The following VPS41 variants were observed in gnomAD, a reference collection of about 807,000 sequenced individuals.
VPS41 encodes the protein VPS41 subunit of HOPS complex.
In VPS41, 85 loss-of-function variants were observed where a neutral mutation model predicts 130.9. The ratio of observed to expected loss-of-function variants is 0.65; its 90% CI spans 0.55 to 0.78. The LOEUF (loss-of-function observed/expected upper bound fraction) is 0.78, where lower values mean the gene tolerates loss of function less well. Ranked by LOEUF, VPS41 falls within the 30% of genes least tolerant of loss-of-function variation. The probability of loss-of-function intolerance (pLI) is 0.00; values close to 1 mark genes in which losing one functional copy is unlikely to be tolerated. For synonymous variants in VPS41, 335 were observed against 332.9 expected (o/e 1.01, Z -0.07); for missense variants, 874 against 1,018.7 (o/e 0.86, Z 1.93).
At chr7:38,883,941 GA>G (rs1250068910) in intron 2 of VPS41, among the ~76,000 whole-genome samples, 7 of 152,174 alleles carry the variant, frequency 4.6e-5, no homozygotes, top group African/African-American at 1.4e-4. Flanking sequence ...CTCATTAAAT[GA>G]AAGAGCAAGT....
chr7:38,767,620 A>C (rs1387890975), intron 14 of VPS41, 22 bp from the exon 15 acceptor site: 1 of 1,591,570 alleles, frequency 6.3e-7, no homozygotes, highest in Non-Finnish European at 8.6e-7. Flanking sequence ...CAAATGAAGA[A>C]ATGTCAAAAT....
At chr7:38,785,619 A>C (rs1255794976) in intron 10 of VPS41, among the ~76,000 whole-genome samples, 2 of 152,224 alleles carry the variant, frequency 1.3e-5, no homozygotes, top group African/African-American at 2.4e-5. Context: ...AAAGAAAAGG[A>C]AAGGCATTGC....
At chr7:38,893,240 A>C (rs1380314982) in intron 2 of VPS41, among the ~76,000 whole-genome samples, 1 of 152,190 alleles carries the variant, frequency 6.6e-6, no homozygotes, top group Non-Finnish European at 1.5e-5. Flanking sequence ...TGGGTGGCTA[A>C]ACATACATAC....
At chr7:38,792,476 A>G (rs1290428251) in intron 9 of VPS41, among the ~76,000 whole-genome samples, 1 of 152,096 alleles carries the variant, frequency 6.6e-6, no homozygotes, top group East Asian at 1.9e-4. Flanking sequence ...GGTGACTGTG[A>G]TCTTACACCC....
intron 5 of VPS41, among the ~76,000 whole-genome samples, chr7:38,827,134 A>T: frequency 6.6e-6 from 1 of 152,322 alleles, no homozygotes; most frequent in Non-Finnish European, 1.5e-5. Flanking sequence ...TCTAATTTTA[A>T]AAAAATTAAA....
chr7:38,761,872 C>T (rs2286082), intron 17 of VPS41, among the ~76,000 whole-genome samples: 99,730 of 151,970 alleles, frequency 0.66, 33,647 homozygotes, highest in Admixed American at 0.79. Context: ...CAGATGTGAG[C>T]CACCGTGACA....
chr7:38,726,894 A>G lies in VPS41; in HGVS notation c.2484+15T>C. The G allele has an allele frequency of 6.5e-7, 1 of 1,530,820 alleles. No individual in the cohort carries two copies. Among genetic ancestry groups the G allele is most frequent in the Non-Finnish European group, 8.8e-7 (1 of 1,140,366 alleles). 94.8% of individuals were successfully genotyped at this position (1,530,820 alleles called of 1,614,324 possible). The stretch of plus-strand genomic sequence containing the variant: ...AATTTCCCTCTAGTTGATAGGTGCC[A>G]AGCTGCCAACTCACCATGCTGGGCA... On this transcript the variant is annotated intron_variant, in intron 28 of 28. Coordinates refer to ENST00000310301, the MANE Select transcript of VPS41 (RefSeq NM_014396.4).
intron 10 of VPS41, among the ~76,000 whole-genome samples, chr7:38,780,409 T>C (rs1784336100): frequency 7.3e-6 from 1 of 137,382 alleles, no homozygotes; most frequent in South Asian, 2.6e-4. Context: ...TGGAAGGACT[T>C]CTGCATTCTG....
rs1795517289 is a variant in VPS41, at chr7:38,725,396, G to A, written c.*850C>T. 6.6e-6 allele frequency: 1 copy of A among 152,220 alleles called. No individual in the cohort carries two copies. The highest frequency in any genetic ancestry group is 2.4e-5 in the African/African-American group (1 of 41,448). The allele number at this position is 152,220 out of a possible 1,614,324, so 9.4% of individuals were successfully genotyped here. On this transcript the variant is annotated 3_prime_UTR_variant, in exon 29 of 29. Coordinates refer to ENST00000310301, the MANE Select transcript of VPS41 (RefSeq NM_014396.4). Reference sequence around the variant, plus strand: ...AGCATCAGGTGGTCCCACTGCTCCTGAGGCACCCTCAGTTTTCAGGGTCAC... The same window carrying A: ...AGCATCAGGTGGTCCCACTGCTCCTAAGGCACCCTCAGTTTTCAGGGTCAC...
At chr7:38,753,920 G>A (rs977309326) in intron 21 of VPS41, among the ~76,000 whole-genome samples, 1 of 152,002 alleles carries the variant, frequency 6.6e-6, no homozygotes, top group Non-Finnish European at 1.5e-5. Flanking sequence ...CTCCTCCTAG[G>A]GTGCAATGAG....
At chr7:38,831,738 G>C (rs1785390785) in intron 4 of VPS41, among the ~76,000 whole-genome samples, 1 of 152,192 alleles carries the variant, frequency 6.6e-6, no homozygotes, top group Non-Finnish European at 1.5e-5. Context: ...AGCTAAGGCT[G>C]GTTATCTCCA....
At chr7:38,836,785 A>G (rs1164800783) in intron 4 of VPS41, among the ~76,000 whole-genome samples, 1 of 152,166 alleles carries the variant, frequency 6.6e-6, no homozygotes, top group African/African-American at 2.4e-5. Flanking sequence ...GAAACAGCAA[A>G]CTTTTTAAAA....
intron 4 of VPS41, among the ~76,000 whole-genome samples, chr7:38,853,958 C>T (rs865892006): frequency 3.3e-5 from 5 of 152,158 alleles, no homozygotes; most frequent in Admixed American, 2.0e-4. Flanking sequence ...CACTTTGGTG[C>T]GTAGAAGCCA....
At chr7:38,783,814 A>G (rs1468670705) in intron 10 of VPS41, among the ~76,000 whole-genome samples, 3 of 152,202 alleles carry the variant, frequency 2.0e-5, no homozygotes, top group Non-Finnish European at 2.9e-5. Flanking sequence ...TTTAAAGTAA[A>G]AAACCATCCT....
intron 2 of VPS41, among the ~76,000 whole-genome samples, chr7:38,875,971 C>T (rs1013648359): frequency 2.0e-5 from 3 of 152,184 alleles, no homozygotes; most frequent in African/African-American, 7.2e-5. Flanking sequence ...ACTATACCCA[C>T]ATATTATTAT....
intron 7 of VPS41, among the ~76,000 whole-genome samples, chr7:38,806,500 G>A (rs1784840314): frequency 6.6e-6 from 1 of 152,152 alleles, no homozygotes; most frequent in Non-Finnish European, 1.5e-5. Flanking sequence ...GATGTACAGT[G>A]ATAAGTTAAA....
At chr7:38,740,075 C>T (rs2286103) in intron 25 of VPS41, among the ~76,000 whole-genome samples, 151,262 of 152,336 alleles carry the variant, frequency 0.99, 75,103 homozygotes, top group African/African-American at 1. Context: ...ACTATGTGGT[C>T]TTGCAGTCAT....
At chr7:38,737,178 A>T (rs1053397913) in intron 25 of VPS41, among the ~76,000 whole-genome samples, 1 of 152,178 alleles carries the variant, frequency 6.6e-6, no homozygotes, top group African/African-American at 2.4e-5. Flanking sequence ...GATGAAGACT[A>T]TCCTGGCCAA....
At chr7:38,811,343 C>A (rs1784938862) in intron 7 of VPS41, among the ~76,000 whole-genome samples, 1 of 151,918 alleles carries the variant, frequency 6.6e-6, no homozygotes, top group Non-Finnish European at 1.5e-5. Context: ...CTCCATTTAA[C>A]CATATGCAAA....
Sources: gnomAD v4.1 joint callset for allele counts (sites outside exome capture counted in the v4.1 genomes callset) on GRCh38, gnomAD v4.1.1 for gene constraint, MANE v1.5 for transcripts, NCBI Gene and HGNC (gene_info 2026-07-23, HGNC 2026-07-21) for gene names.